The following CSMD1 variants were observed in gnomAD, a reference collection of about 807,000 sequenced individuals.
CSMD1 encodes the protein CUB and sushi domain-containing protein 1.
A neutral mutation model predicts 417.5 loss-of-function variants in CSMD1; 213 were observed. The observed-to-expected ratio is 0.51, with a 90% CI of 0.46 to 0.57. The LOEUF is 0.57. CSMD1 is among the 20% of genes least tolerant of loss of function. The pLI is 0.00. For missense variants in CSMD1, 6,923 were observed against 4,529.7 expected, an observed-to-expected ratio of 1.53 and a Z score of -15.17; for synonymous variants, 2,862 against 1,736.8, an observed-to-expected ratio of 1.65 and a Z score of -16.11.
At chr8:4,044,076 C>G (rs187963828) in intron 3 of CSMD1, among the ~76,000 whole-genome samples, 1 of 151,954 alleles carries the variant, frequency 6.6e-6, no homozygotes, top group Non-Finnish European at 1.5e-5. Context: ...TCTTTTCTTG[C>G]CCATTGCTTG....
At chr8:3,346,355 G>C (rs909776208) in intron 22 of CSMD1, among the ~76,000 whole-genome samples, 7 of 152,106 alleles carry the variant, frequency 4.6e-5, no homozygotes, top group African/African-American at 1.7e-4. Flanking sequence ...GTATAGTTAA[G>C]AGTTATTTAA....
intron 3 of CSMD1, among the ~76,000 whole-genome samples, chr8:4,114,884 G>A (rs1278331636): frequency 1.3e-5 from 2 of 152,126 alleles, no homozygotes; most frequent in African/African-American, 4.8e-5. Flanking sequence ...TAACAGATGA[G>A]GAATTGCTTC....
At chr8:3,796,726 T>C (rs973508394) in intron 5 of CSMD1, among the ~76,000 whole-genome samples, 3 of 151,112 alleles carry the variant, frequency 2.0e-5, no homozygotes, top group South Asian at 4.2e-4. Flanking sequence ...CAATTCTATA[T>C]GTCACCTTGT....
intron 3 of CSMD1, among the ~76,000 whole-genome samples, chr8:4,219,449 C>G (rs1585044369): frequency 6.6e-6 from 1 of 152,190 alleles, no homozygotes; most frequent in Non-Finnish European, 1.5e-5. Context: ...AATTCATACC[C>G]GAACCTCTCT....
At chr8:3,481,804 C>T (rs1270246013) in intron 11 of CSMD1, among the ~76,000 whole-genome samples, 2 of 152,130 alleles carry the variant, frequency 1.3e-5, no homozygotes, top group African/African-American at 2.4e-5. Context: ...ATGAATTCTT[C>T]CCCAGGGCCT....
intron 25 of CSMD1, among the ~76,000 whole-genome samples, chr8:3,291,861 T>C (rs1042955024): frequency 5.9e-5 from 9 of 152,100 alleles, no homozygotes; most frequent in African/African-American, 1.9e-4. Flanking sequence ...TTTCTTGCCT[T>C]CTGCTAGCTT....
intron 1 of CSMD1, among the ~76,000 whole-genome samples, chr8:4,981,907 C>G (rs917355079): frequency 1.6e-4 from 24 of 152,100 alleles, no homozygotes; most frequent in African/African-American, 5.8e-4. Flanking sequence ...TCCCCCAACC[C>G]CACTCCTAAC....
chr8:3,295,308 A>C (rs901395696), intron 25 of CSMD1, among the ~76,000 whole-genome samples: 8 of 151,716 alleles, frequency 5.3e-5, no homozygotes, highest in African/African-American at 1.9e-4. Flanking sequence ...TGTATTTTTT[A>C]GTAGACACGG....
intron 1 of CSMD1, among the ~76,000 whole-genome samples, chr8:4,744,152 T>C (rs982600943): frequency 1.3e-5 from 2 of 152,164 alleles, no homozygotes; most frequent in Non-Finnish European, 2.9e-5. Flanking sequence ...TTCTTTGGGT[T>C]CCCTATAAAG....
intron 3 of CSMD1, among the ~76,000 whole-genome samples, chr8:4,223,772 G>A (rs930254103): frequency 6.6e-6 from 1 of 152,182 alleles, no homozygotes; most frequent in South Asian, 2.1e-4. Flanking sequence ...AGGTGACCTA[G>A]TCTGATGCAA....
At chr8:4,450,621 C>G (rs1258837215) in intron 2 of CSMD1, among the ~76,000 whole-genome samples, 3 of 152,096 alleles carry the variant, frequency 2.0e-5, no homozygotes, top group Non-Finnish European at 4.4e-5. Flanking sequence ...CAGAGTGACA[C>G]TCAGTCTCCA....
intron 3 of CSMD1, among the ~76,000 whole-genome samples, chr8:4,086,422 T>G (rs1800422645): frequency 6.6e-6 from 1 of 152,146 alleles, no homozygotes; most frequent in South Asian, 2.1e-4. Context: ...ATTTTGAAAA[T>G]CATATTTTCT....
chr8:3,191,835 A>C (rs1796443227), intron 33 of CSMD1, among the ~76,000 whole-genome samples: 2 of 152,188 alleles, frequency 1.3e-5, no homozygotes, highest in South Asian at 4.1e-4. Context: ...TGCAGTGAAA[A>C]AGACAGTATT....
At chr8:4,046,093 C>T (rs912071573) in intron 3 of CSMD1, among the ~76,000 whole-genome samples, 2 of 151,964 alleles carry the variant, frequency 1.3e-5, no homozygotes, top group African/African-American at 2.4e-5. Context: ...CATTATATAA[C>T]ATATAATAAT....
intron 5 of CSMD1, among the ~76,000 whole-genome samples, chr8:3,917,126 C>T (rs1309460618): frequency 2.0e-5 from 3 of 152,112 alleles, no homozygotes; most frequent in African/African-American, 7.2e-5. Flanking sequence ...AAAAGATAGT[C>T]TAAGAGAATG....
intron 3 of CSMD1, among the ~76,000 whole-genome samples, chr8:4,049,494 C>T (rs541031443): frequency 6.6e-6 from 1 of 150,802 alleles, no homozygotes; most frequent in Non-Finnish European, 1.5e-5. Flanking sequence ...ATTTGAATCC[C>T]CTTTTTGAAT....
chr8:4,730,912 T>C (rs1442964476), intron 1 of CSMD1, among the ~76,000 whole-genome samples: 1 of 61,304 alleles, frequency 1.6e-5, no homozygotes, highest in Non-Finnish European at 4.4e-5. Flanking sequence ...CGTGCTTTGT[T>C]TCCAGTCATT....
chr8:3,565,131 C>CAAAAAAAAAAAAAAAAAA (rs869248314), intron 10 of CSMD1, among the ~76,000 whole-genome samples: 9 of 10,450 alleles, frequency 8.6e-4, no homozygotes, highest in Non-Finnish European at 1.3e-3. Flanking sequence ...TGCAAGACAG[C>CAAAAAAAAAAAAAAAAAA]AAAAAAAAAA....
At chr8:4,584,985 C>A (rs1799626778) in intron 2 of CSMD1, among the ~76,000 whole-genome samples, 1 of 151,664 alleles carries the variant, frequency 6.6e-6, no homozygotes. Flanking sequence ...CTGGGGAAAT[C>A]AAACCTCAAC....
Sources: gnomAD v4.1 joint callset for allele counts (sites outside exome capture counted in the v4.1 genomes callset) on GRCh38, gnomAD v4.1.1 for gene constraint, MANE v1.5 for transcripts, NCBI Gene and HGNC (gene_info 2026-07-23, HGNC 2026-07-21) for gene names.